VPS13B: variants seen among roughly 807,000 people sequenced by gnomAD.
The protein encoded by VPS13B is vacuolar protein sorting 13 homolog B.
A neutral mutation model predicts 426.4 loss-of-function variants in VPS13B; 285 were observed. That is an observed-to-expected ratio of 0.67 (90% CI 0.61 to 0.74). The LOEUF (loss-of-function observed/expected upper bound fraction) is 0.74, where lower values mean the gene tolerates loss of function less well. Ranked by LOEUF, VPS13B falls within the 30% of genes least tolerant of loss-of-function variation. The probability of loss-of-function intolerance (pLI) is 0.00; values close to 1 mark genes in which losing one functional copy is unlikely to be tolerated. For missense variants in VPS13B, 4,537 were observed against 4,782.6 expected (o/e 0.95, Z 1.51); for synonymous variants, 1,676 against 1,676.4 (o/e 1.00, Z 0.01).
chr8:99,365,673 C>T (rs935952769), intron 19 of VPS13B, among the ~76,000 whole-genome samples: 1 of 151,908 alleles, frequency 6.6e-6, no homozygotes, highest in South Asian at 2.1e-4. Context: ...CACACCACCA[C>T]GCATGGCTAA....
chr8:99,787,287 C>T (rs1812319935), intron 43 of VPS13B, among the ~76,000 whole-genome samples: 2 of 138,520 alleles, frequency 1.4e-5, no homozygotes, highest in Non-Finnish European at 3.2e-5. Context: ...TGAAGAGAAA[C>T]ATGGACACAA....
intron 2 of VPS13B, among the ~76,000 whole-genome samples, chr8:99,016,832 C>G (rs1841646604): frequency 6.6e-6 from 1 of 152,036 alleles, no homozygotes; most frequent in Admixed American, 6.6e-5. Context: ...CCTTGTGATC[C>G]TCCTGTCTCG....
intron 21 of VPS13B, among the ~76,000 whole-genome samples, chr8:99,398,513 A>G (rs1011411283): frequency 1.1e-4 from 17 of 152,180 alleles, no homozygotes; most frequent in African/African-American, 3.9e-4. Context: ...AGAAGGAGGG[A>G]CAACCTATGT....
intron 19 of VPS13B, among the ~76,000 whole-genome samples, chr8:99,309,933 T>C (rs887887505): frequency 1.3e-5 from 2 of 152,202 alleles, no homozygotes; most frequent in Non-Finnish European, 2.9e-5. Flanking sequence ...TATTTTATTC[T>C]CTTTGAAGAA....
At chr8:99,546,589 A>G (rs955479239) in intron 30 of VPS13B, among the ~76,000 whole-genome samples, 2 of 152,062 alleles carry the variant, frequency 1.3e-5, no homozygotes, top group Non-Finnish European at 2.9e-5. Flanking sequence ...ATTTATCTAC[A>G]TAATATTGAA....
At chr8:99,540,947 A>G (rs1359995607) in intron 30 of VPS13B, among the ~76,000 whole-genome samples, 4 of 152,168 alleles carry the variant, frequency 2.6e-5, no homozygotes, top group Admixed American at 6.5e-5. Context: ...ATGGTATAGA[A>G]GCACAAATAC....
intron 19 of VPS13B, among the ~76,000 whole-genome samples, chr8:99,342,531 A>T (rs1468224111): frequency 1.3e-5 from 2 of 151,900 alleles, no homozygotes; most frequent in Admixed American, 6.6e-5. Context: ...ACTTAGTATA[A>T]TGTCCTCCAG....
intron 21 of VPS13B, among the ~76,000 whole-genome samples, chr8:99,418,059 G>T (rs190295505): frequency 2.6e-5 from 4 of 152,186 alleles, no homozygotes; most frequent in African/African-American, 9.6e-5. Context: ...GTCACAAAGA[G>T]TTTTTTGATT....
At chr8:99,052,466 C>G (rs1330880748) in intron 3 of VPS13B, among the ~76,000 whole-genome samples, 2 of 106,694 alleles carry the variant, frequency 1.9e-5, no homozygotes, top group Non-Finnish European at 3.9e-5. Context: ...CATAGATGTT[C>G]ATCAGGGATA....
chr8:99,776,731 G>C, intron 40 of VPS13B, 44 bp from the exon 41 acceptor site: 3 of 1,603,886 alleles, frequency 1.9e-6, no homozygotes. Flanking sequence ...ATAATATTGG[G>C]AAATTTTGGT....
chr8:99,818,919 A>G lies in VPS13B; in HGVS notation c.8621+31A>G, dbSNP rs148995341. On this transcript the variant is annotated intron_variant, in intron 47 of 61. Transcript: ENST00000357162. Reference sequence around the variant, plus strand: ...AGAAAAATCCTTCCATACATTTTACATTTTCCTAGGAGAAATTAAGTAGAA... The same window carrying G: ...AGAAAAATCCTTCCATACATTTTACGTTTTCCTAGGAGAAATTAAGTAGAA... 3.4e-5 allele frequency: 44 copies of G among 1,289,754 alleles called. No individual in the cohort carries two copies. In the East Asian group the frequency reaches 2.6e-3, roughly 75 times the overall value. The allele number at this position is 1,289,754 out of a possible 1,614,324, so 79.9% of individuals were successfully genotyped here. A position where few individuals can be genotyped will look rare whatever the true frequency, so the allele number is the denominator to read the frequency against.
intron 7 of VPS13B, chr8:99,120,421 A>G (rs1197650044): frequency 6.6e-6 from 1 of 152,066 alleles, no homozygotes; most frequent in Non-Finnish European, 1.5e-5. Context: ...ATATTGCTAT[A>G]ATTATATTAA....
chr8:99,594,818 G>A (rs1402133467), intron 33 of VPS13B, among the ~76,000 whole-genome samples: 2 of 151,918 alleles, frequency 1.3e-5, no homozygotes, highest in African/African-American at 4.8e-5. Flanking sequence ...AAGGATGTGT[G>A]TATCCCACTG....
At chr8:99,403,823 C>G (rs1305089626) in intron 21 of VPS13B, among the ~76,000 whole-genome samples, 1 of 152,132 alleles carries the variant, frequency 6.6e-6, no homozygotes, top group Admixed American at 6.5e-5. Context: ...TTAGTCACAG[C>G]AGGTTTAAAA....
chr8:99,790,322 A>G (rs1183638471), intron 43 of VPS13B, among the ~76,000 whole-genome samples: 3 of 152,186 alleles, frequency 2.0e-5, no homozygotes, highest in Non-Finnish European at 4.4e-5. Context: ...GGGCTAACTC[A>G]GTCTTTTCAC....
At chr8:99,079,127 C>T (rs74685205) in intron 3 of VPS13B, among the ~76,000 whole-genome samples, 4,172 of 152,112 alleles carry the variant, frequency 0.027, 77 homozygotes, top group Non-Finnish European at 0.043. Flanking sequence ...TTGGTGGGCA[C>T]GGCTGGTCTG....
chr8:99,053,306 A>G (rs1469580038), intron 3 of VPS13B, among the ~76,000 whole-genome samples: 2 of 151,826 alleles, frequency 1.3e-5, no homozygotes, highest in African/African-American at 2.4e-5. Flanking sequence ...GCACCCCACA[A>G]CAGTCCCCAT....
intron 33 of VPS13B, among the ~76,000 whole-genome samples, chr8:99,580,995 AC>A (rs1826027738): frequency 1.4e-5 from 2 of 145,104 alleles, no homozygotes; most frequent in African/African-American, 5.3e-5. Flanking sequence ...ACACACACAC[AC>A]ACACACACAC....
At chr8:99,673,198 A>C (rs578219548) in intron 35 of VPS13B, among the ~76,000 whole-genome samples, 1 of 152,072 alleles carries the variant, frequency 6.6e-6, no homozygotes, top group East Asian at 1.9e-4. Context: ...GTTTGAGAAG[A>C]ATTGGTGGTA....
Sources: allele counts gnomAD v4.1 joint callset (sites outside exome capture counted in the v4.1 genomes callset), GRCh38; gene constraint gnomAD v4.1.1; transcripts MANE v1.5; gene names NCBI Gene and HGNC (gene_info 2026-07-23, HGNC 2026-07-21).